The following SPIDR variants were observed in gnomAD, a reference collection of about 807,000 sequenced individuals.
SPIDR encodes scaffold protein involved in DNA repair.
Under a neutral mutation model 104.6 loss-of-function variants are expected in SPIDR, and 93 were observed. That is an observed-to-expected ratio of 0.89 (90% CI 0.75 to 1.06). The LOEUF (loss-of-function observed/expected upper bound fraction) is 1.06, where lower values mean the gene tolerates loss of function less well. SPIDR is among the 50% of genes least tolerant of loss of function. The pLI is 0.00. For synonymous variants in SPIDR, 431 were observed against 416.9 expected (o/e 1.03, Z -0.41); for missense variants, 1,154 against 1,111.2 (o/e 1.04, Z -0.55).
At chr8:47,294,739 T>G (rs1316213374) in intron 5 of SPIDR, among the ~76,000 whole-genome samples, 1 of 152,206 alleles carries the variant, frequency 6.6e-6, no homozygotes, top group Non-Finnish European at 1.5e-5. Flanking sequence ...CAAGTGATCC[T>G]CTCACCTCAG....
chr8:47,390,235 G>A (rs2060417979), intron 5 of SPIDR, among the ~76,000 whole-genome samples: 2 of 152,226 alleles, frequency 1.3e-5, no homozygotes, highest in South Asian at 4.2e-4. Flanking sequence ...GTTGAGAATG[G>A]ACTGTCCAAG....
At chr8:47,442,490 A>G (rs1410020241) in intron 8 of SPIDR, among the ~76,000 whole-genome samples, 1 of 152,184 alleles carries the variant, frequency 6.6e-6, no homozygotes. Flanking sequence ...CTTTAAAGGT[A>G]GTGTCTGGCA....
intron 6 of SPIDR, among the ~76,000 whole-genome samples, chr8:47,405,032 G>A (rs563450518): frequency 6.6e-6 from 1 of 152,242 alleles, no homozygotes; most frequent in South Asian, 2.1e-4. Flanking sequence ...TGTAAGAAAG[G>A]ATGAGTTCAT....
rs531266629 is a variant in SPIDR at position 47,511,153 on chromosome 8, G to T, written c.1097+70611G>T. The T allele has an allele frequency of 5.2e-5, 81 of 1,553,832 alleles. No homozygotes were observed. The African/African-American group carries it at 1.0e-3, about 19-fold the overall frequency. On this transcript the variant is annotated intron_variant, in intron 8 of 19. Coordinates refer to ENST00000297423, the MANE Select transcript of SPIDR (RefSeq NM_001080394.4). Reference sequence around the variant, plus strand: ...GAGGATAAAGCTGGTGGCAGCCATGGCTGGCCGGGCATCCACAATGAAGAG... The same window carrying T: ...GAGGATAAAGCTGGTGGCAGCCATGTCTGGCCGGGCATCCACAATGAAGAG...
At chr8:47,441,438 C>T (rs1554696966) in intron 8 of SPIDR, among the ~76,000 whole-genome samples, 1 of 151,528 alleles carries the variant, frequency 6.6e-6, no homozygotes, top group Non-Finnish European at 1.5e-5. Flanking sequence ...ATTTTATGTC[C>T]ATTGATAGCT....
At chr8:47,303,947 G>C (rs1358065015) in intron 5 of SPIDR, among the ~76,000 whole-genome samples, 2 of 152,136 alleles carry the variant, frequency 1.3e-5, no homozygotes, top group African/African-American at 4.8e-5. Context: ...AAAGTGCTGA[G>C]ATTACAGGTG....
intron 8 of SPIDR, among the ~76,000 whole-genome samples, chr8:47,465,326 A>G (rs1176939600): frequency 6.6e-5 from 10 of 151,688 alleles, no homozygotes; most frequent in African/African-American, 1.7e-4. Flanking sequence ...ATAATAACCA[A>G]CTACCATCAT....
chr8:47,678,490 A>G (rs1187247540), intron 11 of SPIDR, among the ~76,000 whole-genome samples: 1 of 152,194 alleles, frequency 6.6e-6, no homozygotes, highest in Non-Finnish European at 1.5e-5. Context: ...CTTCCTCCAC[A>G]CTCAGAGCAG....
At chr8:47,388,816 G>A (rs2060239976) in intron 5 of SPIDR, among the ~76,000 whole-genome samples, 1 of 152,222 alleles carries the variant, frequency 6.6e-6, no homozygotes. Context: ...GTGTACTACA[G>A]CAGTATTGCT....
chr8:47,313,565 T>G (rs1294774195), intron 5 of SPIDR, among the ~76,000 whole-genome samples: 5 of 152,164 alleles, frequency 3.3e-5, no homozygotes, highest in East Asian at 1.9e-4. Flanking sequence ...AAAACTACTT[T>G]AAAGTTCATA....
At chr8:47,377,566 C>T (rs1554643150) in intron 5 of SPIDR, among the ~76,000 whole-genome samples, 1 of 152,222 alleles carries the variant, frequency 6.6e-6, no homozygotes, top group Non-Finnish European at 1.5e-5. Context: ...TTGGTCCTAA[C>T]AGTTGAGGAT....
rs2083088324 is a variant in SPIDR at position 47,719,528 on chromosome 8, C to CTT, written c.2341+5887_2341+5888insTT. 3.3e-5 allele frequency among the ~76,000 whole-genome samples: 5 copies of CTT among 151,986 alleles called. No homozygotes were observed. The South Asian group carries it at 1.0e-3, about 32-fold the overall frequency. On this transcript the variant is annotated intron_variant, in intron 16 of 19. Coordinates refer to ENST00000297423, the MANE Select transcript of SPIDR (RefSeq NM_001080394.4). ...CGTATCAAAAAAAAAAAATAGAAAG[C>CTT]ATATAAGCACCAGTTGTGTCTGGCC...
intron 7 of SPIDR, among the ~76,000 whole-genome samples, chr8:47,436,969 A>G (rs2068444216): frequency 6.6e-6 from 1 of 152,216 alleles, no homozygotes; most frequent in East Asian, 1.9e-4. Context: ...TAGTCACCAC[A>G]TGAGCTGCTG....
chr8:47,526,148 C>T (rs1049241435), intron 8 of SPIDR, among the ~76,000 whole-genome samples: 5 of 152,190 alleles, frequency 3.3e-5, no homozygotes, highest in African/African-American at 1.2e-4. Flanking sequence ...GGGCTGTTCC[C>T]AGGCTCAGCT....
intron 5 of SPIDR, chr8:47,357,957 G>A (rs529047090): frequency 1.9e-4 from 127 of 675,882 alleles, no homozygotes; most frequent in Non-Finnish European, 2.0e-4. Flanking sequence ...ATATATGTGT[G>A]GTTTACATTC....
At position 47,735,506 on chromosome 8, in the gene SPIDR, G is replaced by A; in HGVS notation, c.*56G>A. On this transcript the variant is annotated 3_prime_UTR_variant, in exon 20 of 20. Transcript: ENST00000297423. ...TGTGGCTGCAAGGGTGGTGGTGGTG[G>A]TGGTGATTTGGGGTAGTTATTTGTT... is the stretch of plus-strand genomic sequence containing the variant. 6.2e-7 allele frequency: 1 copy of A among 1,612,956 alleles called. No individual in the cohort carries two copies. The highest frequency in any genetic ancestry group is 1.7e-4 in the Middle Eastern group (1 of 6,042).
chr8:47,673,512 T>A (rs1381138888), intron 10 of SPIDR: 1 of 513,712 alleles, frequency 1.9e-6, no homozygotes, highest in African/African-American at 1.9e-5. Context: ...CATATTTGGC[T>A]TAGGTTTTAG....
intron 8 of SPIDR, among the ~76,000 whole-genome samples, chr8:47,489,325 A>G (rs964308944): frequency 1.8e-4 from 28 of 152,336 alleles, no homozygotes; most frequent in Middle Eastern, 3.4e-3. Flanking sequence ...AAGGAGAACT[A>G]CAAACCACTG....
intron 7 of SPIDR, among the ~76,000 whole-genome samples, chr8:47,411,575 T>C (rs2063530983): frequency 1.3e-5 from 2 of 152,220 alleles, no homozygotes; most frequent in Admixed American, 1.3e-4. Context: ...GATGAGTAGA[T>C]TGCGAAAGTT....
Sources: gnomAD v4.1 joint callset for allele counts (sites outside exome capture counted in the v4.1 genomes callset) on GRCh38, gnomAD v4.1.1 for gene constraint, MANE v1.5 for transcripts, NCBI Gene and HGNC (gene_info 2026-07-23, HGNC 2026-07-21) for gene names.